Variants in ERC2 observed in about 807,000 individuals in gnomAD.
The protein encoded by ERC2 is ERC protein 2.
Under a neutral mutation model 114.8 loss-of-function variants are expected in ERC2, and 42 were observed. That is an observed-to-expected ratio of 0.37 (90% CI 0.29 to 0.47). ERC2 has a LOEUF of 0.47. ERC2 is among the 20% of genes least tolerant of loss of function. The pLI, the probability that ERC2 is intolerant of heterozygous loss-of-function variation, is 0.99. For synonymous variants in ERC2, 454 were observed against 425.5 expected (o/e 1.07, Z -0.82); for missense variants, 939 against 1,150.7 (o/e 0.82, Z 2.66).
intron 17 of ERC2, among the ~76,000 whole-genome samples, chr3:55,619,506 G>A (rs1432689702): frequency 6.6e-6 from 1 of 152,028 alleles, no homozygotes; most frequent in Non-Finnish European, 1.5e-5. Flanking sequence ...CTTCCACATC[G>A]TAAGGCACAG....
At chr3:55,574,634 A>G (rs1413640598) in intron 17 of ERC2, among the ~76,000 whole-genome samples, 14 of 152,146 alleles carry the variant, frequency 9.2e-5, no homozygotes, top group Non-Finnish European at 1.8e-4. Flanking sequence ...GCATGTGTGC[A>G]TTGAGGACAA....
intron 13 of ERC2, among the ~76,000 whole-genome samples, chr3:55,948,926 G>A (rs1225922964): frequency 1.3e-5 from 2 of 152,108 alleles, no homozygotes; most frequent in East Asian, 1.9e-4. Flanking sequence ...TTTGGGCATG[G>A]TCTGTACCCA....
intron 8 of ERC2, among the ~76,000 whole-genome samples, chr3:56,014,039 C>T (rs895367991): frequency 2.6e-5 from 4 of 151,994 alleles, no homozygotes; most frequent in Non-Finnish European, 4.4e-5. Flanking sequence ...GATTTTGGCA[C>T]CTTTAAAAAA....
chr3:55,542,972 C>A (rs1005113765), intron 17 of ERC2, among the ~76,000 whole-genome samples: 1 of 152,204 alleles, frequency 6.6e-6, no homozygotes, highest in Non-Finnish European at 1.5e-5. Context: ...TGCAGGGATT[C>A]CTCCTGGGCT....
chr3:55,838,174 G>A (rs1000597672), intron 14 of ERC2, among the ~76,000 whole-genome samples: 2 of 151,566 alleles, frequency 1.3e-5, no homozygotes, highest in East Asian at 2.0e-4. Context: ...AATCAACAAC[G>A]GGATAGAAGA....
intron 14 of ERC2, among the ~76,000 whole-genome samples, chr3:55,877,306 T>G (rs981880002): frequency 2.5e-4 from 38 of 151,924 alleles, no homozygotes; most frequent in Admixed American, 2.5e-3. Context: ...CACCCCCAAT[T>G]AAGGCCTCAG....
chr3:55,833,153 G>A lies in ERC2; in HGVS notation c.2564+55236C>T, dbSNP rs1216298646. Among the ~76,000 whole-genome samples, 5 of 150,064 alleles carry A rather than the reference G, an allele frequency of 3.3e-5. No homozygotes were observed. The South Asian group carries it at 8.6e-4, about 26-fold the overall frequency. On this transcript the variant is annotated intron_variant, in intron 14 of 17. Transcript: ENST00000288221. ...TCTGATTGGTGTACCTGAAAGTGAC[G>A]GGGAGAATGGAACCAAGTTGGAAAA...
intron 14 of ERC2, among the ~76,000 whole-genome samples, chr3:55,857,212 A>G (rs1453457903): frequency 6.6e-6 from 1 of 152,178 alleles, no homozygotes; most frequent in African/African-American, 2.4e-5. Flanking sequence ...TAAAACAGAG[A>G]GGGTACGAGG....
intron 16 of ERC2, among the ~76,000 whole-genome samples, chr3:55,687,377 ATT>A (rs11313736): frequency 1.5e-3 from 228 of 149,060 alleles, no homozygotes; most frequent in Non-Finnish European, 1.3e-3. Context: ...CCACCACCGG[ATT>A]TTTTTTTTTT....
intron 17 of ERC2, chr3:55,657,642 TAGAG>T (rs2060933839): frequency 6.6e-6 from 1 of 151,914 alleles, no homozygotes; most frequent in Non-Finnish European, 1.5e-5. Context: ...TTTTTGAAAA[TAGAG>T]AGAGGATTTT....
At chr3:56,280,032 A>G (rs2054246672) in intron 3 of ERC2, among the ~76,000 whole-genome samples, 1 of 152,218 alleles carries the variant, frequency 6.6e-6, no homozygotes, top group Non-Finnish European at 1.5e-5. Flanking sequence ...TGTATTAACT[A>G]GGTGGGCCCA....
intron 17 of ERC2, among the ~76,000 whole-genome samples, chr3:55,671,476 G>A (rs769240209): frequency 6.6e-6 from 1 of 152,162 alleles, no homozygotes; most frequent in Non-Finnish European, 1.5e-5. Flanking sequence ...TGGGCACGTG[G>A]TCATCGGCAC....
At chr3:56,363,215 G>A (rs2059024987) in intron 2 of ERC2, among the ~76,000 whole-genome samples, 1 of 152,164 alleles carries the variant, frequency 6.6e-6, no homozygotes, top group South Asian at 2.1e-4. Flanking sequence ...ATAAACTCCT[G>A]ATGAATCAAA....
intron 17 of ERC2, among the ~76,000 whole-genome samples, chr3:55,664,628 T>C (rs2061282478): frequency 6.6e-6 from 1 of 152,158 alleles, no homozygotes; most frequent in Non-Finnish European, 1.5e-5. Context: ...TACATCCTGC[T>C]TTGTCTCTGC....
intron 14 of ERC2, among the ~76,000 whole-genome samples, chr3:55,870,111 G>A (rs1268646483): frequency 6.6e-6 from 1 of 151,748 alleles, no homozygotes; most frequent in Admixed American, 6.6e-5. Flanking sequence ...GTCTCACTCT[G>A]TCACCCAGGC....
At chr3:56,071,681 G>A (rs2076745082) in intron 7 of ERC2, among the ~76,000 whole-genome samples, 1 of 152,170 alleles carries the variant, frequency 6.6e-6, no homozygotes, top group South Asian at 2.1e-4. Flanking sequence ...AACTTTCCTA[G>A]CTTTGGTTCC....
intron 17 of ERC2, chr3:55,606,466 A>T (rs1209047102): frequency 6.6e-6 from 1 of 152,250 alleles, no homozygotes; most frequent in African/African-American, 2.4e-5. Context: ...AATAGTCATT[A>T]AGTAGCAACC....
At chr3:56,193,482 G>T (rs2047915724) in intron 3 of ERC2, among the ~76,000 whole-genome samples, 1 of 151,848 alleles carries the variant, frequency 6.6e-6, no homozygotes. Flanking sequence ...ACTCAAGCCT[G>T]GGTGACCGAG....
intron 17 of ERC2, among the ~76,000 whole-genome samples, chr3:55,620,350 A>C (rs1361969525): frequency 6.6e-6 from 1 of 152,232 alleles, no homozygotes; most frequent in Admixed American, 6.5e-5. Flanking sequence ...AACTTGAAAG[A>C]TGTGTGGGGT....
Sources: gnomAD v4.1 joint callset for allele counts (sites outside exome capture counted in the v4.1 genomes callset) on GRCh38, gnomAD v4.1.1 for gene constraint, MANE v1.5 for transcripts, NCBI Gene and HGNC (gene_info 2026-07-23, HGNC 2026-07-21) for gene names.